SYTL4: variants seen among roughly 807,000 people sequenced by gnomAD.
The protein encoded by SYTL4 is synaptotagmin-like protein 4.
A neutral mutation model predicts 52.7 loss-of-function variants in SYTL4; 16 were observed. The ratio of observed to expected loss-of-function variants is 0.30; its 90% CI spans 0.21 to 0.46. SYTL4 has a LOEUF of 0.46. Among genes scored for constraint, SYTL4 ranks in the 20% least tolerant of loss-of-function variants. The pLI, the probability that SYTL4 is intolerant of heterozygous loss-of-function variation, is 1.00. For synonymous variants in SYTL4, 160 were observed against 186.6 expected, an observed-to-expected ratio of 0.86 and a Z score of 1.16; for missense variants, 423 against 519.9, an observed-to-expected ratio of 0.81 and a Z score of 1.81.
chrX:100,707,783 C>T (rs1175609938), intron 2 of SYTL4, among the ~76,000 whole-genome samples: 2 of 111,362 alleles, frequency 1.8e-5, no homozygotes, highest in African/African-American at 3.3e-5. Flanking sequence ...GCAAGATTAT[C>T]TATTGAGAAG....
intron 8 of SYTL4, among the ~76,000 whole-genome samples, chrX:100,699,033 T>C (rs2083777654): frequency 9.0e-6 from 1 of 111,621 alleles, no homozygotes; most frequent in Admixed American, 9.5e-5. Flanking sequence ...AACAGGCAGA[T>C]TTTTAAAATG....
chrX:100,708,282 A>G (rs1238386248), intron 2 of SYTL4, among the ~76,000 whole-genome samples: 1 of 111,907 alleles, frequency 8.9e-6, no homozygotes, highest in Non-Finnish European at 1.9e-5. Context: ...CTACTAAAAA[A>G]TGAGGATAAT....
chrX:100,721,547 C>T (rs1238123155), intron 2 of SYTL4, among the ~76,000 whole-genome samples: 1 of 111,353 alleles, frequency 9.0e-6, no homozygotes, highest in Non-Finnish European at 1.9e-5. Context: ...TCAAGAATAC[C>T]ATATATCATA....
In SYTL4 at chrX:100,727,904, C is replaced by T. The variant is rs185593025; in HGVS notation, c.-240+3514G>A. On this transcript the variant is annotated intron_variant, in intron 2 of 19. Transcript: ENST00000372989. ...GGAATACAAGGGCAATCGGGAGTGC[C>T]GTTTTGGCCACGTTACATTTGAGAG... 4.5e-5 allele frequency among the ~76,000 whole-genome samples: 5 copies of T among 111,414 alleles called. No individual in the cohort carries two copies. In the East Asian group the frequency reaches 1.1e-3, roughly 25 times the overall value.
At chrX:100,729,602 A>G (rs1163262144) in intron 2 of SYTL4, among the ~76,000 whole-genome samples, 1 of 111,424 alleles carries the variant, frequency 9.0e-6, no homozygotes, top group African/African-American at 3.3e-5. Context: ...ACTGGCACAA[A>G]TATTTGCCAA....
At chrX:100,713,866 AC>A (rs1345080543) in intron 2 of SYTL4, among the ~76,000 whole-genome samples, 4 of 110,083 alleles carry the variant, frequency 3.6e-5, no homozygotes, top group Non-Finnish European at 7.5e-5. Flanking sequence ...CAAAAAAAAA[AC>A]ACTGTATGAT....
chrX:100,697,706 C>A (rs1343262229), intron 8 of SYTL4, among the ~76,000 whole-genome samples: 1 of 109,619 alleles, frequency 9.1e-6, no homozygotes, highest in Non-Finnish European at 1.9e-5. Context: ...AAGAACAAAT[C>A]AAAACCTAAA....
intron 18 of SYTL4, among the ~76,000 whole-genome samples, chrX:100,679,021 G>T (rs927855088): frequency 8.9e-6 from 1 of 111,766 alleles, no homozygotes; most frequent in African/African-American, 3.2e-5. Context: ...ACAAAGCCCT[G>T]AGTTCCCAAA....
At position 100,679,397 on chromosome X, in the gene SYTL4, C is replaced by G. The variant is rs955605409; in HGVS notation, c.1574G>C (p.Gly525Ala). 4.1e-6 allele frequency: 5 copies of G among 1,207,586 alleles called. No individual in the cohort carries two copies. The highest frequency in any genetic ancestry group is 4.3e-5 in the Admixed American group (2 of 45,991). Residue 525 changes from glycine (G) to alanine (A), a missense_variant, in exon 18 of 20, where the codon GGG (glycine) becomes GCG (alanine). Coordinates refer to ENST00000372989, the MANE Select transcript of SYTL4 (RefSeq NM_001370165.1). ...TTTGATCCACACCTGGAGCTCTCCC[C>G]CTTCCCCACCTTTACCTGTAAGGGA... Reference protein sequence around the residue: ...GDRKKSKGGEGGELQVWIKEA... With the variant: ...GDRKKSKGGEAGELQVWIKEA...
chrX:100,694,687 T>C (rs750379935), intron 8 of SYTL4, among the ~76,000 whole-genome samples: 1 of 111,974 alleles, frequency 8.9e-6, no homozygotes, highest in Non-Finnish European at 1.9e-5. Flanking sequence ...CAAGAGGCCT[T>C]GTATTCACCA....
intron 19 of SYTL4, among the ~76,000 whole-genome samples, chrX:100,677,563 C>T (rs1475235469): frequency 1.8e-5 from 2 of 111,653 alleles, no homozygotes; most frequent in African/African-American, 3.3e-5. Flanking sequence ...GAAGAGGATC[C>T]GAGACTAAGC....
At chrX:100,693,212 G>A (rs921611294) in intron 8 of SYTL4, among the ~76,000 whole-genome samples, 14 of 112,198 alleles carry the variant, frequency 1.2e-4, no homozygotes, top group African/African-American at 3.2e-4. Context: ...TTACAGGCGT[G>A]AGCCATCATG....
At chrX:100,693,176 C>T (rs767550433) in intron 8 of SYTL4, among the ~76,000 whole-genome samples, 4 of 111,861 alleles carry the variant, frequency 3.6e-5, no homozygotes, top group East Asian at 5.7e-4. Context: ...GTGATCCATC[C>T]GCCTCAGCCT....
intron 2 of SYTL4, among the ~76,000 whole-genome samples, chrX:100,724,081 C>G (rs1276308060): frequency 9.9e-6 from 1 of 101,121 alleles, no homozygotes; most frequent in African/African-American, 3.7e-5. Flanking sequence ...TCTGCCCGGC[C>G]GCCCCTGCTG....
rs144512355 is a variant in SYTL4 at position 100,680,639 on chromosome X, C to T, written c.1558+588G>A. On this transcript the variant is annotated intron_variant, in intron 17 of 19. Coordinates refer to ENST00000372989, the MANE Select transcript of SYTL4 (RefSeq NM_001370165.1). Reference sequence around the variant, plus strand: ...CATGTTATCCCCTCTTCTGAAAATGCTCTTCTCTCCTCATCCTGCTCCTTT... The same window carrying T: ...CATGTTATCCCCTCTTCTGAAAATGTTCTTCTCTCCTCATCCTGCTCCTTT... 8.0e-3 allele frequency among the ~76,000 whole-genome samples: 896 copies of T among 111,486 alleles called. 7 individuals carry two copies. The highest frequency in any genetic ancestry group is 0.065 in the Middle Eastern group (14 of 217).
chrX:100,702,289 G>A (rs769570079), intron 4 of SYTL4, among the ~76,000 whole-genome samples, 182 bp from the exon 5 acceptor site: 2 of 111,870 alleles, frequency 1.8e-5, no homozygotes, highest in Non-Finnish European at 3.8e-5. Flanking sequence ...AAGAGTCCTT[G>A]ATTTTTCAGA....
chrX:100,703,790 T>A (rs999750909), intron 3 of SYTL4, among the ~76,000 whole-genome samples: 3 of 112,101 alleles, frequency 2.7e-5, no homozygotes, highest in Non-Finnish European at 5.6e-5. Flanking sequence ...ACACACGTAC[T>A]GACATAAAAA....
At chrX:100,678,727 C>A in intron 18 of SYTL4, 128 bp from the exon 19 acceptor site, 1 of 525,984 alleles carries the variant, frequency 1.9e-6, no homozygotes. Flanking sequence ...CTACACACGC[C>A]CCTCCTTGAA....
At position 100,708,774 on chromosome X, in the gene SYTL4, G is replaced by A. The variant is rs544855168; in HGVS notation, c.-239-3888C>T. Among the ~76,000 whole-genome samples, 6 of 112,214 alleles carry A rather than the reference G, an allele frequency of 5.3e-5. No individual in the cohort carries two copies. In the South Asian group the frequency reaches 1.1e-3, roughly 21 times the overall value. ...AGATGACTAAAATATAGAATTCCTTGTAAGAATAGTACTCAGATTAAAAGT... is the reference window on the plus strand; with the variant it reads ...AGATGACTAAAATATAGAATTCCTTATAAGAATAGTACTCAGATTAAAAGT... On this transcript the variant is annotated intron_variant, in intron 2 of 19. Transcript: ENST00000372989.
Sources: gnomAD v4.1 joint callset for allele counts (sites outside exome capture counted in the v4.1 genomes callset) on GRCh38, gnomAD v4.1.1 for gene constraint, MANE v1.5 for transcripts, NCBI Gene and HGNC (gene_info 2026-07-23, HGNC 2026-07-21) for gene names.